The following PCBP3 variants were observed in gnomAD, a reference collection of about 807,000 sequenced individuals.
PCBP3 encodes poly(rC)-binding protein 3.
Under a neutral mutation model 52.7 loss-of-function variants are expected in PCBP3, and 25 were observed. That is an observed-to-expected ratio of 0.47 (90% CI 0.35 to 0.66). PCBP3 has a LOEUF of 0.66. Among genes scored for constraint, PCBP3 ranks in the 30% least tolerant of loss-of-function variants. PCBP3 has a pLI of 0.01. For missense variants in PCBP3, 391 were observed against 490.3 expected (o/e 0.80, Z 1.91); for synonymous variants, 162 against 183.0 (o/e 0.89, Z 0.93).
chr21:45,749,094 A>C (rs146262704), intron 3 of PCBP3, among the ~76,000 whole-genome samples: 1 of 152,242 alleles, frequency 6.6e-6, no homozygotes, highest in Non-Finnish European at 1.5e-5. Flanking sequence ...AAAGTTCCTC[A>C]CTTAATTCCT....
At chr21:45,898,360 G>GTCCTCACA (rs1569466637) in intron 6 of PCBP3, among the ~76,000 whole-genome samples, 14,125 of 36,772 alleles carry the variant, frequency 0.38, 3,415 homozygotes, top group Middle Eastern at 0.5. Context: ...CCATCCTCAT[G>GTCCTCACA]GTCTCCCTCT....
intron 4 of PCBP3, among the ~76,000 whole-genome samples, chr21:45,777,161 A>G (rs1034511121): frequency 1.8e-4 from 27 of 152,110 alleles, no homozygotes; most frequent in African/African-American, 5.8e-4. Flanking sequence ...TACAAAGCAT[A>G]ATTTTGCTGG....
At chr21:45,699,739 T>C (rs2082992871) in intron 2 of PCBP3, among the ~76,000 whole-genome samples, 1 of 152,162 alleles carries the variant, frequency 6.6e-6, no homozygotes, top group Admixed American at 6.5e-5. Flanking sequence ...AAACTCCCTG[T>C]ATAAAACCAT....
At chr21:45,677,234 A>T (rs1006534976) in intron 2 of PCBP3, among the ~76,000 whole-genome samples, 1 of 152,326 alleles carries the variant, frequency 6.6e-6, no homozygotes, top group Admixed American at 6.5e-5. Context: ...CACACAAAGG[A>T]TAAGAAAGCG....
chr21:45,767,177 C>T (rs1290456555), intron 4 of PCBP3, among the ~76,000 whole-genome samples: 1 of 152,172 alleles, frequency 6.6e-6, no homozygotes, highest in African/African-American at 2.4e-5. Flanking sequence ...CTCACCCCCC[C>T]AAAGTAAAGC....
chr21:45,917,763 T>A lies in PCBP3; in HGVS notation c.717+134T>A. ...TCAACTTCTCAGCGTTCCTGACCTG[T>A]GTCGTATCCATATGACCTCGAATAA... On this transcript the variant is annotated intron_variant, in intron 13 of 17. Coordinates refer to ENST00000681687, the MANE Select transcript of PCBP3 (RefSeq NM_001384156.1). The surrounding 1 kb of genome is among the most constrained non-coding windows in gnomAD (Gnocchi z 5.3). 1.3e-6 allele frequency: 1 copy of A among 797,440 alleles called. No homozygotes were observed. Among genetic ancestry groups the A allele is most frequent in the Non-Finnish European group, 2.2e-6 (1 of 454,582 alleles). The allele number at this position is 797,440 out of a possible 1,614,324, so 49.4% of individuals were successfully genotyped here.
intron 6 of PCBP3, 120 bp downstream of exon 6, chr21:45,896,482 G>T (rs2095829571): frequency 1.1e-6 from 1 of 951,680 alleles, no homozygotes; most frequent in African/African-American, 1.6e-5. Context: ...AACCGGAGAT[G>T]CACTGCCCGG....
intron 4 of PCBP3, among the ~76,000 whole-genome samples, chr21:45,808,631 C>G (rs1040659259): frequency 6.6e-6 from 1 of 152,120 alleles, no homozygotes; most frequent in African/African-American, 2.4e-5. Flanking sequence ...GACAGTATGG[C>G]GATTCCTCAA....
chr21:45,766,438 C>T (rs1191461923), intron 4 of PCBP3, among the ~76,000 whole-genome samples: 1 of 152,214 alleles, frequency 6.6e-6, no homozygotes, highest in Non-Finnish European at 1.5e-5. Context: ...AGAGCTGTCT[C>T]TCTCTCTGCA....
chr21:45,842,197 A>G (rs1240059910), intron 4 of PCBP3, among the ~76,000 whole-genome samples: 2 of 152,120 alleles, frequency 1.3e-5, no homozygotes, highest in African/African-American at 2.4e-5. Context: ...GAACTCCTTA[A>G]TAGTTCTTTT....
intron 1 of PCBP3, among the ~76,000 whole-genome samples, chr21:45,646,093 C>CTCTCTCTCTG (rs1555895760): frequency 1.2e-5 from 1 of 81,426 alleles, no homozygotes. Flanking sequence ...TTCTCTCTCT[C>CTCTCTCTCTG]TCTCTCTCTC....
chr21:45,658,041 A>G (rs1247082035), intron 1 of PCBP3, among the ~76,000 whole-genome samples: 2 of 152,232 alleles, frequency 1.3e-5, no homozygotes, highest in Middle Eastern at 3.4e-3. Context: ...GTAGCTGTGA[A>G]TTTTTATAGA....
intron 2 of PCBP3, among the ~76,000 whole-genome samples, chr21:45,700,299 G>C (rs1258389456): frequency 6.6e-6 from 1 of 152,196 alleles, no homozygotes; most frequent in East Asian, 1.9e-4. Context: ...ATGTGTTCTA[G>C]GGAATAAATC....
chr21:45,939,621 G>A (rs901348403), intron 16 of PCBP3, among the ~76,000 whole-genome samples: 1 of 152,260 alleles, frequency 6.6e-6, no homozygotes, highest in Non-Finnish European at 1.5e-5. Context: ...CTGGGATGTG[G>A]CCAAGAAGGT....
chr21:45,927,279 C>T, intron 13 of PCBP3, among the ~76,000 whole-genome samples: 1 of 143,040 alleles, frequency 7.0e-6, no homozygotes, highest in African/African-American at 2.6e-5. Context: ...ACCCTCCTCT[C>T]CCTCCCTCTC....
intron 1 of PCBP3, among the ~76,000 whole-genome samples, chr21:45,668,023 C>T (rs772822950): frequency 2.6e-5 from 4 of 152,204 alleles, no homozygotes; most frequent in South Asian, 2.1e-4. Context: ...TAGACTTTCC[C>T]AAGAGACCCC....
chr21:45,714,750 G>C (rs1442583302), intron 2 of PCBP3, among the ~76,000 whole-genome samples: 2 of 152,216 alleles, frequency 1.3e-5, no homozygotes, highest in African/African-American at 4.8e-5. Flanking sequence ...CATGAAGTCA[G>C]TTAATATGTA....
intron 4 of PCBP3, among the ~76,000 whole-genome samples, chr21:45,756,956 T>C (rs1479026318): frequency 3.3e-5 from 5 of 152,262 alleles, no homozygotes; most frequent in South Asian, 2.1e-4. Flanking sequence ...TGTTTACACT[T>C]TTTGGCTATT....
intron 15 of PCBP3, among the ~76,000 whole-genome samples, chr21:45,933,625 T>C (rs1488383084): frequency 1.3e-5 from 2 of 152,256 alleles, no homozygotes; most frequent in Admixed American, 6.5e-5. Flanking sequence ...TGAAAGTATC[T>C]TTATTAAAAG....
Sources: allele counts gnomAD v4.1 joint callset (sites outside exome capture counted in the v4.1 genomes callset), GRCh38; gene constraint gnomAD v4.1.1; non-coding constraint Gnocchi (gnomAD v3.1); transcripts MANE v1.5; gene names NCBI Gene and HGNC (gene_info 2026-07-23, HGNC 2026-07-21).